The following RSRP1 variants were observed in gnomAD, a reference collection of about 807,000 sequenced individuals.
The protein encoded by RSRP1 is arginine/serine-rich protein 1.
Under a neutral mutation model 33.0 loss-of-function variants are expected in RSRP1, and 37 were observed. That is an observed-to-expected ratio of 1.12 (90% confidence interval 0.86 to 1.48). RSRP1 has a LOEUF of 1.48. Ranked by LOEUF, RSRP1 falls within the 40% of genes most tolerant of loss-of-function variation. The pLI is 0.00. For synonymous variants in RSRP1, 167 were observed against 158.7 expected (o/e 1.05, Z -0.40); for missense variants, 402 against 385.3 (o/e 1.04, Z -0.36).
At chr1:25,332,223 A>G (rs1487913538) in intron 1 of RSRP1, among the ~76,000 whole-genome samples, 11 of 117,258 alleles carry the variant, frequency 9.4e-5, no homozygotes, top group Middle Eastern at 5.6e-3. Context: ...TTTTAGTAGA[A>G]ATGGGGTTTC....
In RSRP1 at chr1:25,246,834, G is replaced by C; in HGVS notation, c.130C>G (p.Arg44Gly). Reference protein sequence around the residue: ...SRSRSFSRSSRSHSRVSSRFS... With the variant: ...SRSRSFSRSSGSHSRVSSRFS... Reference sequence around the variant, plus strand: ...CGGCTCGAGACGCGGGAATGGGACCGAGAGCTTCTGGAAAAAGAGCGGCTC... The same window carrying C: ...CGGCTCGAGACGCGGGAATGGGACCCAGAGCTTCTGGAAAAAGAGCGGCTC... The change falls in exon 2 of 5, where the codon CGG (arginine) becomes GGG (glycine). Residue 44 changes from arginine (R) to glycine (G), a missense_variant. By Grantham distance (125) the Arg-to-Gly change is moderately radical. Coordinates refer to ENST00000243189, the MANE Select transcript of RSRP1 (RefSeq NM_020317.5). The C allele has an allele frequency of 6.2e-7, 1 of 1,613,228 alleles. No homozygotes were observed. The highest frequency in any genetic ancestry group is 8.5e-7 in the Non-Finnish European group (1 of 1,179,720).
upstream of RSRP1, among the ~76,000 whole-genome samples, chr1:25,250,721 T>G (rs1639750595): frequency 6.6e-6 from 1 of 152,126 alleles, no homozygotes. Flanking sequence ...TTCTGAAATG[T>G]AGGGGCGGGC....
intron 1 of RSRP1, among the ~76,000 whole-genome samples, chr1:25,282,971 TAG>T (rs1479654886): frequency 7.6e-6 from 1 of 132,046 alleles, no homozygotes; most frequent in Non-Finnish European, 1.8e-5. Context: ...CTCCCAAACT[TAG>T]AGACAATATT....
chr1:25,243,628 C>T lies in RSRP1; in HGVS notation c.678G>A (p.Ser226=), dbSNP rs772579952. Residue 226 remains serine, a synonymous_variant, in exon 4 of 5, where the codon TCG becomes TCA. Transcript: ENST00000243189. ...GAGTTCCATCTTCTGTTACCTTTTCCGACAGCTAGACAGGTTAAGAAAAAG... is the reference window on the plus strand; with the variant it reads ...GAGTTCCATCTTCTGTTACCTTTTCTGACAGCTAGACAGGTTAAGAAAAAG... ...VSSNGAKPEL[S]EKVTEDGTRN... 5.5e-5 allele frequency: 88 copies of T among 1,613,262 alleles called. No individual in the cohort carries two copies. The South Asian group carries it at 5.8e-4, about 11-fold the overall frequency.
chr1:25,272,422 C>A lies in RSRP1; in HGVS notation c.-66-25393G>T, dbSNP rs1429712878. On this transcript the variant is annotated intron_variant, in intron 1 of 1. Transcript: ENST00000561867. ...CCATAGAGAGGCCAGCACAACCAGC[C>A]TTGCAGCCTGAGATAAGGCCTTTGG... The A allele has an allele frequency of 5.5e-6, 7 of 1,273,644 alleles. No individual in the cohort carries two copies. The Admixed American group carries it at 6.3e-5, about 12-fold the overall frequency. 78.9% of individuals were successfully genotyped at this position (1,273,644 alleles called of 1,614,324 possible). A position where few individuals can be genotyped will look rare whatever the true frequency, so the allele number is the denominator to read the frequency against.
At chr1:25,300,893 T>C in intron 1 of RSRP1, 1 of 1,364,494 alleles carries the variant, frequency 7.3e-7, no homozygotes, top group East Asian at 2.3e-5. Context: ...TATCAGGGCT[T>C]GCCCCGGGCA....
In RSRP1 at chr1:25,244,213, C is replaced by A. The variant is rs934530995; in HGVS notation, c.673-580G>T. 1.2e-5 allele frequency: 15 copies of A among 1,289,098 alleles called. No homozygotes were observed. The Admixed American group carries it at 3.4e-4, about 30-fold the overall frequency. The allele number at this position is 1,289,098 out of a possible 1,614,324, so 79.9% of individuals were successfully genotyped here. A position where few individuals can be genotyped will look rare whatever the true frequency, so the allele number is the denominator to read the frequency against. ...TGAAGCAGGCCTCCTCTTCTGTAAT[C>A]TCTCAAAACATCTGGAATATATTGC... On this transcript the variant is annotated intron_variant, in intron 3 of 4. Transcript: ENST00000243189.
intron 1 of RSRP1, among the ~76,000 whole-genome samples, chr1:25,283,887 T>C (rs534788202): frequency 7.5e-6 from 1 of 134,226 alleles, no homozygotes; most frequent in Non-Finnish European, 1.8e-5. Context: ...TCCGCTTTGC[T>C]GGGCCCCTCC....
At chr1:25,321,924 C>T in intron 1 of RSRP1, 1 of 1,337,832 alleles carries the variant, frequency 7.5e-7, no homozygotes. Flanking sequence ...GAAAGCACCT[C>T]ATGAGGCTAA....
intron 1 of RSRP1, among the ~76,000 whole-genome samples, chr1:25,333,073 C>A (rs1454432170): frequency 7.6e-6 from 1 of 131,948 alleles, no homozygotes; most frequent in African/African-American, 2.6e-5. Context: ...AGCCTGGGAT[C>A]CTGAAATCCA....
rs565554082 is a variant in RSRP1 at position 25,246,798 on chromosome 1, T to C, written c.166A>G (p.Arg56Gly). 4.8e-4 allele frequency: 767 copies of C among 1,613,524 alleles called. 13 individuals are homozygous for C. The South Asian group carries it at 8.1e-3, about 17-fold the overall frequency. ...GACCTGGACTTGCTCCTCCGACTCC[T>C]GGACGAAAACCGGCTCGAGACGCGG... is the stretch of plus-strand genomic sequence containing the variant. ...HSRVSSRFSS[R>G]SRRSKSRSRS... The change falls in exon 2 of 5, where the codon AGG becomes GGG. Residue 56 changes from arginine (R) to glycine (G), a missense_variant. Coordinates refer to ENST00000243189, the MANE Select transcript of RSRP1 (RefSeq NM_020317.5).
chr1:25,305,373 GATAT>G (rs1378740803), intron 1 of RSRP1, among the ~76,000 whole-genome samples: 1 of 68,996 alleles, frequency 1.4e-5, no homozygotes, highest in Non-Finnish European at 3.6e-5. Flanking sequence ...GAGGAGTCTG[GATAT>G]TTATTTATTT....
At chr1:25,301,194 T>G in intron 1 of RSRP1, 1 of 1,104,132 alleles carries the variant, frequency 9.1e-7, no homozygotes, top group East Asian at 2.3e-5. Flanking sequence ...CAAGTTCCCC[T>G]GGGTGTCTGA....
At chr1:25,301,449 C>A in intron 1 of RSRP1, 1 of 1,284,102 alleles carries the variant, frequency 7.8e-7, no homozygotes, top group Non-Finnish European at 1.1e-6. Context: ...GATTCTCATC[C>A]AAAACCCCTC....
intron 4 of RSRP1, 151 bp from the exon 5 acceptor site, chr1:25,242,856 G>A (rs1316307634): frequency 5.0e-6 from 3 of 597,736 alleles, no homozygotes; most frequent in Non-Finnish European, 8.9e-6. Context: ...CAGCACTTTG[G>A]AAGGCTGACA....
intron 1 of RSRP1, among the ~76,000 whole-genome samples, chr1:25,256,826 C>T (rs1639964779): frequency 6.6e-6 from 1 of 152,022 alleles, no homozygotes; most frequent in African/African-American, 2.4e-5. Context: ...TGCTATTGGA[C>T]CTAAATCTGA....
intron 1 of RSRP1, among the ~76,000 whole-genome samples, chr1:25,274,111 T>C (rs1353343987): frequency 7.5e-6 from 1 of 132,788 alleles, no homozygotes; most frequent in African/African-American, 2.6e-5. Flanking sequence ...TTAGAGCTGA[T>C]ATTTATGAGC....
At position 25,301,636 on chromosome 1, in the gene RSRP1, A is replaced by G; in HGVS notation, c.-67+36342T>C. The G allele has an allele frequency of 2.9e-6, 4 of 1,380,488 alleles. 1 individual carries two copies. In the South Asian group the frequency reaches 4.7e-5, roughly 16 times the overall value. 85.5% of individuals were successfully genotyped at this position (1,380,488 alleles called of 1,614,324 possible). A position where few individuals can be genotyped will look rare whatever the true frequency, so the allele number is the denominator to read the frequency against. On this transcript the variant is annotated intron_variant, in intron 1 of 1. Transcript: ENST00000561867. ...CTATGCTGTAGCAGTCAGCGTGGTG[A>G]CAGCCATCTCAGGGTCATCCTTGGC...
chr1:25,276,028 C>T lies in RSRP1; in HGVS notation c.-66-28999G>A, dbSNP rs368859658. Among the ~76,000 whole-genome samples, 17 of 132,136 alleles carry T rather than the reference C, an allele frequency of 1.3e-4. 1 individual carries two copies. The East Asian group carries it at 3.3e-3, about 26-fold the overall frequency. 86.7% of individuals were successfully genotyped at this position (132,136 alleles called of 152,430 possible). A position where few individuals can be genotyped will look rare whatever the true frequency, so the allele number is the denominator to read the frequency against. ...TTAGGTAACTTAATCTGTCAATCCA[C>T]TTAATTGAATTCAGTCCTGGTAAAC... is the stretch of plus-strand genomic sequence containing the variant. On this transcript the variant is annotated intron_variant, in intron 1 of 1. Coordinates refer to the RSRP1 transcript ENST00000561867.
Sources: allele counts gnomAD v4.1 joint callset (sites outside exome capture counted in the v4.1 genomes callset), GRCh38; gene constraint gnomAD v4.1.1; transcripts MANE v1.5; gene names NCBI Gene and HGNC (gene_info 2026-07-23, HGNC 2026-07-21).